The following ELAVL4 variants were observed in gnomAD, a reference collection of about 807,000 sequenced individuals.
ELAVL4 encodes the protein ELAV-like protein 4.
In ELAVL4, 1 loss-of-function variant was observed where a neutral mutation model predicts 35.6. The ratio of observed to expected loss-of-function variants is 0.03; its 90% CI spans 0.01 to 0.13. The LOEUF (loss-of-function observed/expected upper bound fraction) is 0.13. Among genes scored for constraint, ELAVL4 ranks in the 10% least tolerant of loss-of-function variants. ELAVL4 has a pLI of 1.00. For missense variants in ELAVL4, 267 were observed against 464.9 expected (o/e 0.57, Z 3.91); for synonymous variants, 156 against 171.0 (o/e 0.91, Z 0.69).
intron 1 of ELAVL4, among the ~76,000 whole-genome samples, chr1:50,073,012 T>G (rs1664600997): frequency 6.6e-6 from 1 of 152,202 alleles, no homozygotes; most frequent in African/African-American, 2.4e-5. Context: ...CCTCAGTTAG[T>G]AGTTATTAAG....
chr1:50,090,398 T>C (rs895162744), intron 1 of ELAVL4, among the ~76,000 whole-genome samples: 35 of 152,186 alleles, frequency 2.3e-4, no homozygotes, highest in African/African-American at 8.0e-4. Context: ...TGTGTGCCAC[T>C]AGGCTTCTAA....
chr1:50,193,106 G>A (rs1475180659), intron 3 of ELAVL4, among the ~76,000 whole-genome samples: 1 of 152,072 alleles, frequency 6.6e-6, no homozygotes, highest in Middle Eastern at 3.2e-3. Flanking sequence ...CTGCTTCAAA[G>A]TTAGAGGCGA....
intron 1 of ELAVL4, among the ~76,000 whole-genome samples, chr1:50,122,093 G>A (rs992847490): frequency 2.0e-5 from 3 of 152,012 alleles, no homozygotes; most frequent in African/African-American, 7.2e-5. Flanking sequence ...TGAGGTTTTG[G>A]TGGGTAAATT....
At chr1:50,110,222 A>G (rs1415093383) in intron 1 of ELAVL4, among the ~76,000 whole-genome samples, 4 of 152,178 alleles carry the variant, frequency 2.6e-5, no homozygotes, top group African/African-American at 9.7e-5. Context: ...CATTTTAGCC[A>G]AGGAAGGTTG....
chr1:50,126,013 C>T (rs1050986128), intron 1 of ELAVL4, among the ~76,000 whole-genome samples: 1 of 152,008 alleles, frequency 6.6e-6, no homozygotes, highest in African/African-American at 2.4e-5. Flanking sequence ...GTGTAAAGAA[C>T]CTGAATCGGG....
At chr1:50,119,044 GAAAGAAAGAA>G (rs1052333283) in intron 1 of ELAVL4, among the ~76,000 whole-genome samples, 1 of 79,840 alleles carries the variant, frequency 1.3e-5, no homozygotes, top group Non-Finnish European at 2.5e-5. Context: ...GAAAAAGAAA[GAAAGAAAGAA>G]AGAAAGAAAG....
At chr1:50,126,041 C>T (rs1298645213) in intron 1 of ELAVL4, among the ~76,000 whole-genome samples, 1 of 152,004 alleles carries the variant, frequency 6.6e-6, no homozygotes, top group Non-Finnish European at 1.5e-5. Context: ...ACCTAGTAGG[C>T]ATCTAATAAA....
intron 2 of ELAVL4, among the ~76,000 whole-genome samples, chr1:50,162,325 CAAGATCCATGTGGGTCATAAT>C (rs1207468378): frequency 6.6e-6 from 1 of 152,130 alleles, no homozygotes; most frequent in African/African-American, 2.4e-5. Context: ...TTGGTCATAA[CAAGATCCATGTGGGTCATAAT>C]AAGACTCACG....
chr1:50,111,557 C>T (rs1667081301), intron 1 of ELAVL4, among the ~76,000 whole-genome samples: 1 of 151,716 alleles, frequency 6.6e-6, no homozygotes, highest in South Asian at 2.1e-4. Context: ...CATTTTTTTC[C>T]TCAGTAGAAA....
intron 3 of ELAVL4, among the ~76,000 whole-genome samples, chr1:50,191,660 T>A (rs1443780860): frequency 6.6e-6 from 1 of 152,080 alleles, no homozygotes; most frequent in African/African-American, 2.4e-5. Context: ...AGTACCATGG[T>A]TCATTGAGAA....
intron 2 of ELAVL4, among the ~76,000 whole-genome samples, chr1:50,166,072 T>C (rs1488163568): frequency 1.3e-5 from 2 of 152,034 alleles, no homozygotes; most frequent in Non-Finnish European, 2.9e-5. Context: ...AGGCAGCTGA[T>C]TAGATCGTGC....
chr1:50,144,545 T>C, intron 1 of ELAVL4: 1 of 484,942 alleles, frequency 2.1e-6, no homozygotes, highest in Non-Finnish European at 4.1e-6. Flanking sequence ...GTATTTGATC[T>C]TGTGAGTGTA....
At chr1:50,079,195 A>C (rs1232647234) in intron 1 of ELAVL4, among the ~76,000 whole-genome samples, 1 of 152,172 alleles carries the variant, frequency 6.6e-6, no homozygotes. Context: ...CCAAGTAGCC[A>C]GAGCTACAGG....
At chr1:50,175,268 G>A (rs1679785531) in intron 2 of ELAVL4, among the ~76,000 whole-genome samples, 1 of 151,996 alleles carries the variant, frequency 6.6e-6, no homozygotes, top group Non-Finnish European at 1.5e-5. Flanking sequence ...CCAAATTTCG[G>A]ATAAATGATA....
At chr1:50,069,376 G>A (rs1248091551) in intron 1 of ELAVL4, among the ~76,000 whole-genome samples, 1 of 152,076 alleles carries the variant, frequency 6.6e-6, no homozygotes, top group Admixed American at 6.6e-5. Context: ...TGTTAATTCT[G>A]GTTGAGTCTT....
chr1:50,119,288 T>C (rs1407404042), intron 1 of ELAVL4, among the ~76,000 whole-genome samples: 1 of 152,012 alleles, frequency 6.6e-6, no homozygotes, highest in African/African-American at 2.4e-5. Flanking sequence ...GGCAGAAATA[T>C]ATCTGTAAAA....
intron 2 of ELAVL4, among the ~76,000 whole-genome samples, chr1:50,156,461 G>T (rs576575831): frequency 6.6e-6 from 1 of 152,156 alleles, no homozygotes; most frequent in Non-Finnish European, 1.5e-5. Flanking sequence ...ATGGATAAAG[G>T]GGGAGGAGAG....
chr1:50,185,696 A>G (rs1188106159), intron 3 of ELAVL4, among the ~76,000 whole-genome samples: 4 of 152,214 alleles, frequency 2.6e-5, no homozygotes, highest in Non-Finnish European at 5.9e-5. Flanking sequence ...GAATGGTGCT[A>G]TCCCTAAAGT....
In ELAVL4 at chr1:50,078,138, GTGTGTA is replaced by G. The variant is rs1307051111; in HGVS notation, c.18+29958_18+29963del. ...TGTGTGTGTGTGTGTGTGTGTGTGT[GTGTGTA>G]TATAGTATTTGTGTGTTTATATATC... On this transcript the variant is annotated intron_variant, in intron 1 of 6. Coordinates refer to the ELAVL4 transcript ENST00000448907. Among the ~76,000 whole-genome samples, 258 of 149,864 alleles carry G rather than the reference GTGTGTA, an allele frequency of 1.7e-3. 2 individuals are homozygous for G. The highest frequency in any genetic ancestry group is 2.1e-3 in the African/African-American group (84 of 39,562).
Sources: allele counts gnomAD v4.1 joint callset (sites outside exome capture counted in the v4.1 genomes callset), GRCh38; gene constraint gnomAD v4.1.1; transcripts MANE v1.5; gene names NCBI Gene and HGNC (gene_info 2026-07-23, HGNC 2026-07-21).